Variants in SYNJ2 observed in about 807,000 individuals in gnomAD.
SYNJ2 encodes the protein polyphosphatidylinositol phosphatase SYNJ2.
In SYNJ2, 116 loss-of-function variants were observed where a neutral mutation model predicts 141.3. That is an observed-to-expected ratio of 0.82 (90% CI 0.71 to 0.96). SYNJ2 has a LOEUF of 0.96. Ranked by LOEUF, SYNJ2 falls within the 40% of genes least tolerant of loss-of-function variation. The pLI, the probability that SYNJ2 is intolerant of heterozygous loss-of-function variation, is 0.00. For synonymous variants in SYNJ2, 745 were observed against 777.7 expected (o/e 0.96, Z 0.70); for missense variants, 1,873 against 1,934.8 (o/e 0.97, Z 0.60).
rs959075874 is a variant in SYNJ2, at chr6:158,022,095, T to C, written c.214+4805T>C. Reference sequence around the variant, plus strand: ...ACCATGCCGCATGGGCACACAGTGCTTAGGGTTCTGAACCTGCGGGTGGCG... The same window carrying C: ...ACCATGCCGCATGGGCACACAGTGCCTAGGGTTCTGAACCTGCGGGTGGCG... On this transcript the variant is annotated intron_variant, in intron 2 of 26. Coordinates refer to ENST00000355585, the MANE Select transcript of SYNJ2 (RefSeq NM_003898.4). Among the ~76,000 whole-genome samples the C allele has an allele frequency of 2.0e-5, 3 of 152,318 alleles. No homozygotes were observed. In the South Asian group the frequency reaches 6.2e-4, roughly 32 times the overall value.
At chr6:158,081,550 C>A in intron 20 of SYNJ2, 40 bp downstream of exon 20, 2 of 1,392,814 alleles carry the variant, frequency 1.4e-6, no homozygotes, top group South Asian at 2.3e-5. Flanking sequence ...GGGGTCTGAT[C>A]AATCCCTCTT....
At chr6:157,983,845 TG>T (rs1777100667) in intron 1 of SYNJ2, among the ~76,000 whole-genome samples, 1 of 151,286 alleles carries the variant, frequency 6.6e-6, no homozygotes, top group South Asian at 2.1e-4. Flanking sequence ...TTTTTTTTTT[TG>T]AAACAGAGGC....
chr6:158,057,586 G>C (rs142242189), intron 6 of SYNJ2, among the ~76,000 whole-genome samples: 2,211 of 152,332 alleles, frequency 0.015, 28 homozygotes, highest in Middle Eastern at 0.1. Flanking sequence ...GTTTGGGGTT[G>C]GGACAGCATA....
At chr6:158,065,888 G>T (rs1781531580) in intron 11 of SYNJ2, among the ~76,000 whole-genome samples, 1 of 152,210 alleles carries the variant, frequency 6.6e-6, no homozygotes, top group African/African-American at 2.4e-5. Context: ...ATATATTTTG[G>T]CTATCTAGAG....
In SYNJ2 at chr6:158,033,585, GTC is replaced by G; in HGVS notation, c.621_622del (p.Val209Ter). 6.2e-7 allele frequency: 1 copy of G among 1,614,024 alleles called. No homozygotes were observed. Among genetic ancestry groups the G allele is most frequent in the African/African-American group, 1.3e-5 (1 of 75,068 alleles). ...ASHKQAKACL[V>X]SRVSCERTGT... ...CCACAAGCAGGCCAAGGCCTGCCTC[GTC>G]TCTCGCGTTAGCTGTGAGCGCACAG... On this transcript the variant is annotated frameshift_variant, in exon 4 of 27. Transcript: ENST00000355585. LOFTEE classifies it high-confidence loss of function.
chr6:158,069,423 G>A lies in SYNJ2; in HGVS notation c.1800-110G>A, dbSNP rs532287006. ...ACACTAATATTGGGGTGCGGGCAGCGTGAAATCAGTTCTGCAAACAGAATA... is the reference window on the plus strand; with the variant it reads ...ACACTAATATTGGGGTGCGGGCAGCATGAAATCAGTTCTGCAAACAGAATA... On this transcript the variant is annotated intron_variant, in intron 13 of 26. Coordinates refer to ENST00000355585, the MANE Select transcript of SYNJ2 (RefSeq NM_003898.4). The A allele has an allele frequency of 7.9e-5, 107 of 1,351,446 alleles. No homozygotes were observed. The East Asian group carries it at 1.0e-3, about 13-fold the overall frequency. The allele number at this position is 1,351,446 out of a possible 1,614,324, so 83.7% of individuals were successfully genotyped here.
chr6:158,052,269 A>G (rs138338577), intron 5 of SYNJ2, among the ~76,000 whole-genome samples: 176 of 152,360 alleles, frequency 1.2e-3, no homozygotes, highest in African/African-American at 4.0e-3. Flanking sequence ...ATTTAAGAAC[A>G]AGAGGGAACT....
chr6:158,038,070 C>A (rs1225390682), intron 4 of SYNJ2, among the ~76,000 whole-genome samples: 1 of 152,260 alleles, frequency 6.6e-6, no homozygotes, highest in African/African-American at 2.4e-5. Flanking sequence ...GAATCTCCCA[C>A]CTCGGGCAGC....
intron 13 of SYNJ2, 71 bp from the exon 14 acceptor site, chr6:158,069,462 G>A: frequency 1.3e-6 from 2 of 1,551,446 alleles, no homozygotes; most frequent in South Asian, 2.4e-5. Flanking sequence ...TTGGGCTGGA[G>A]CATTTGGTAG....
intron 1 of SYNJ2, among the ~76,000 whole-genome samples, chr6:157,987,838 T>TGGTG (rs1777264171): frequency 6.6e-6 from 1 of 152,250 alleles, no homozygotes; most frequent in Non-Finnish European, 1.5e-5. Flanking sequence ...GCAGCAGAAA[T>TGGTG]GGTGGCATGA....
Position 158,095,669 on chromosome 6 carries a change from G to A in SYNJ2, c.3796G>A (p.Gly1266Arg), listed in dbSNP as rs377560882. The A allele has an allele frequency of 3.2e-5, 52 of 1,612,496 alleles. No homozygotes were observed. The highest frequency in any genetic ancestry group is 1.0e-4 in the Admixed American group (6 of 59,630). Residue 1266 changes from glycine to arginine, a missense_variant, in exon 27 of 27, where the codon GGG (glycine) becomes AGG (arginine). Coordinates refer to ENST00000355585, the MANE Select transcript of SYNJ2 (RefSeq NM_003898.4). ...FEQQTVHFTI[G>R]PPETSVEAPP... is the part of the protein sequence containing the mutation. ...GCAACAGACTGTCCATTTTACAATC[G>A]GGCCCCCGGAGACAAGCGTTGAGGC...
chr6:158,088,033 AATTTTTTTTTTTTTTTTTTTTTTTT>A (rs1300353279), intron 23 of SYNJ2, among the ~76,000 whole-genome samples: 7 of 36,864 alleles, frequency 1.9e-4, no homozygotes, highest in African/African-American at 6.3e-4. Context: ...CCTGCTTTGG[AATTTTTTTTTTTTTTTTTTTTTTTT>A]TTTTTTTTTT....
chr6:158,025,552 C>T (rs567749858), intron 2 of SYNJ2, among the ~76,000 whole-genome samples: 3 of 151,980 alleles, frequency 2.0e-5, no homozygotes, highest in Non-Finnish European at 4.4e-5. Flanking sequence ...CCCAGCAACT[C>T]GGGAGGCTGA....
Position 158,093,442 on chromosome 6 carries a change from A to C in SYNJ2, c.3744+338A>C, listed in dbSNP as rs202118158. Among the ~76,000 whole-genome samples the C allele has an allele frequency of 4.5e-3, 459 of 101,376 alleles. 5 individuals carry two copies. The highest frequency in any genetic ancestry group is 0.019 in the African/African-American group (439 of 22,858). 66.5% of individuals were successfully genotyped at this position (101,376 alleles called of 152,430 possible). On this transcript the variant is annotated intron_variant, in intron 26 of 26. Coordinates refer to ENST00000355585, the MANE Select transcript of SYNJ2 (RefSeq NM_003898.4). ...CAGAGTGAGACTCCACCTCAAAAAA[A>C]AAAAAAACAAAAAAAAAAAAACAGA... is the stretch of plus-strand genomic sequence containing the variant.
At chr6:158,037,738 C>A (rs1435669284) in intron 4 of SYNJ2, among the ~76,000 whole-genome samples, 1 of 152,198 alleles carries the variant, frequency 6.6e-6, no homozygotes, top group Non-Finnish European at 1.5e-5. Context: ...TCTGCAAAGA[C>A]CCTATTTCCA....
chr6:158,019,605 TCAGCCAGTCCCCGC>T (rs756314975), intron 2 of SYNJ2, among the ~76,000 whole-genome samples: 10 of 152,124 alleles, frequency 6.6e-5, no homozygotes, highest in Non-Finnish European at 1.2e-4. Context: ...CTCCCTGCCT[TCAGCCAGTCCCCGC>T]CACCCCACAC....
chr6:158,012,638 TGA>T (rs1237262812), intron 1 of SYNJ2, among the ~76,000 whole-genome samples: 1 of 152,246 alleles, frequency 6.6e-6, no homozygotes, highest in African/African-American at 2.4e-5. Context: ...TGTAAGGTCA[TGA>T]GTCTGTGCTG....
At chr6:158,017,579 T>C (rs1323353012) in intron 2 of SYNJ2, 1 of 430,836 alleles carries the variant, frequency 2.3e-6, no homozygotes, top group Non-Finnish European at 4.4e-6. Flanking sequence ...CATGCCCAAC[T>C]AATTTTTTGT....
chr6:158,019,185 T>C (rs1778629858), intron 2 of SYNJ2, among the ~76,000 whole-genome samples: 1 of 152,216 alleles, frequency 6.6e-6, no homozygotes, highest in African/African-American at 2.4e-5. Context: ...GGTCCTTACA[T>C]GAATGACTCA....
Sources: allele counts gnomAD v4.1 joint callset (sites outside exome capture counted in the v4.1 genomes callset), GRCh38; gene constraint gnomAD v4.1.1; transcripts MANE v1.5; gene names NCBI Gene and HGNC (gene_info 2026-07-23, HGNC 2026-07-21).